The following HLCS variants were observed in gnomAD, a reference collection of about 807,000 sequenced individuals.
The protein encoded by HLCS is holocarboxylase synthetase.
In HLCS, 53 loss-of-function variants were observed where a neutral mutation model predicts 75.0. That is an observed-to-expected ratio of 0.71 (90% CI 0.57 to 0.89). HLCS has a LOEUF of 0.89. Ranked by LOEUF, HLCS falls within the 40% of genes least tolerant of loss-of-function variation. HLCS has a pLI of 0.00. For missense variants in HLCS, 966 were observed against 1,074.0 expected (o/e 0.90, Z 1.41); for synonymous variants, 431 against 428.6 (o/e 1.01, Z -0.07).
rs2063203820 is a variant in HLCS at position 36,856,650 on chromosome 21, C to T, written c.1892+40210G>A. Among the ~76,000 whole-genome samples, 7 of 151,918 alleles carry T rather than the reference C, an allele frequency of 4.6e-5. No individual in the cohort carries two copies. In the South Asian group the frequency reaches 1.5e-3, roughly 32 times the overall value. ...AAGTATATCATCAGGTAAGGTAACA[C>T]AGTCCCCCCAGCAACAAAAAGAAAA... On this transcript the variant is annotated intron_variant, in intron 6 of 10. Coordinates refer to ENST00000674895, the MANE Select transcript of HLCS (RefSeq NM_001352514.2).
chr21:36,768,300 CTAA>C (rs1469451716), intron 6 of HLCS, among the ~76,000 whole-genome samples: 3 of 152,176 alleles, frequency 2.0e-5, no homozygotes, highest in Non-Finnish European at 4.4e-5. Flanking sequence ...CATAAAGTTT[CTAA>C]TAATAAGTCT....
chr21:36,875,137 T>TCAGCATAGACAGCTGGG lies in HLCS; in HGVS notation c.1892+21706_1892+21722dup, dbSNP rs536277461. Among the ~76,000 whole-genome samples, 913 of 152,110 alleles carry TCAGCATAGACAGCTGGG rather than the reference T, an allele frequency of 6.0e-3. 6 individuals are homozygous for TCAGCATAGACAGCTGGG. The highest frequency in any genetic ancestry group is 8.8e-3 in the Admixed American group (135 of 15,308). On this transcript the variant is annotated intron_variant, in intron 6 of 10. Transcript: ENST00000674895. ...CTTTGTACAGGCCTGTGGGTGCCCC[T>TCAGCATAGACAGCTGGG]CAGCATAGACAGCTGGGCACCACGG...
At chr21:36,931,674 A>G (rs1569208915) in intron 4 of HLCS, among the ~76,000 whole-genome samples, 1 of 151,954 alleles carries the variant, frequency 6.6e-6, no homozygotes, top group Non-Finnish European at 1.5e-5. Context: ...CCTTGAACCC[A>G]GGAGGTTGAG....
rs200886053 is a variant in HLCS at position 36,936,544 on chromosome 21, C to T, written c.1342G>A (p.Gly448Ser). 890 of 1,614,154 alleles carry T rather than the reference C, an allele frequency of 5.5e-4. 2 individuals carry two copies. Among genetic ancestry groups the T allele is most frequent in the Non-Finnish European group, 4.9e-4 (578 of 1,180,014 alleles). The change falls in exon 4 of 11, where the codon GGC (glycine) becomes AGC (serine). Residue 448 changes from glycine (G) to serine (S), a missense_variant. Physicochemically the swap from Gly to Ser is moderately conservative, Grantham distance 56. Transcript: ENST00000674895. ...TTCTCCAGGTGGCCCTGGAGCCTGC[C>T]GGGGCTGAGCCGGACGGGGCCTTCC... ...YQEGPVRLSP[G>S]RLQGHLENED...
chr21:36,783,849 CCA>C (rs146189484), intron 6 of HLCS, among the ~76,000 whole-genome samples: 1 of 151,624 alleles, frequency 6.6e-6, no homozygotes, highest in Non-Finnish European at 1.5e-5. Context: ...ATGCACAAAT[CCA>C]CACACACACA....
At chr21:36,757,760 A>G (rs2850105) in intron 9 of HLCS, among the ~76,000 whole-genome samples, 84,586 of 152,118 alleles carry the variant, frequency 0.56, 23,664 homozygotes, top group East Asian at 0.69. Context: ...CTGGAAAAAA[A>G]ACAAGTAACT....
At chr21:36,899,655 A>G (rs550770464) in intron 5 of HLCS, among the ~76,000 whole-genome samples, 13 of 152,314 alleles carry the variant, frequency 8.5e-5, no homozygotes, top group Non-Finnish European at 4.4e-5. Flanking sequence ...AATTGACCAT[A>G]CACTGGCAAC....
chr21:36,778,287 T>C (rs909010600), intron 6 of HLCS, among the ~76,000 whole-genome samples: 8 of 149,732 alleles, frequency 5.3e-5, no homozygotes, highest in African/African-American at 2.0e-4. Flanking sequence ...CAATTATTAT[T>C]ATTATTTTTT....
chr21:36,845,227 C>T (rs190404860), intron 6 of HLCS, among the ~76,000 whole-genome samples: 3 of 152,286 alleles, frequency 2.0e-5, no homozygotes, highest in Admixed American at 2.0e-4. Flanking sequence ...CTCCCATGCT[C>T]ACAGCCGGCC....
rs576222019 is a variant in HLCS, at chr21:36,942,545, G to T, written c.331-3551C>A. Among the ~76,000 whole-genome samples the T allele has an allele frequency of 3.2e-4, 48 of 152,056 alleles. 2 individuals carry two copies. Among genetic ancestry groups the T allele is most frequent in the Admixed American group, 1.3e-4 (2 of 15,274 alleles). On this transcript the variant is annotated intron_variant, in intron 2 of 10. Coordinates refer to ENST00000674895, the MANE Select transcript of HLCS (RefSeq NM_001352514.2). ...ACAAAATTCAGAGAAGGAAAACACA[G>T]GCATAAATTGTCATGACTTTTGATC...
At chr21:36,949,480 C>T (rs1199841145) in intron 2 of HLCS, among the ~76,000 whole-genome samples, 4 of 152,326 alleles carry the variant, frequency 2.6e-5, no homozygotes, top group Middle Eastern at 3.4e-3. Context: ...GTTCCAAAAG[C>T]CCAGATGGAG....
chr21:36,987,515 A>G (rs1370325151), intron 1 of HLCS, among the ~76,000 whole-genome samples: 2 of 152,172 alleles, frequency 1.3e-5, no homozygotes, highest in Non-Finnish European at 2.9e-5. Flanking sequence ...CAGGAGGCTG[A>G]GGCAGAAGAA....
rs533492712 is a variant in HLCS, at chr21:36,778,200, C to A, written c.1893-10915G>T. Among the ~76,000 whole-genome samples the A allele has an allele frequency of 1.9e-3, 285 of 152,106 alleles. 2 individuals are homozygous for A. Among genetic ancestry groups the A allele is most frequent in the Non-Finnish European group, 2.1e-3 (144 of 67,994 alleles). ...TAGCCAGGATGGTCTTGATCTCCTG[C>A]CCTTGTGATCCGCCCACCTCTGCCT... On this transcript the variant is annotated intron_variant, in intron 6 of 10. Coordinates refer to ENST00000674895, the MANE Select transcript of HLCS (RefSeq NM_001352514.2).
chr21:36,857,277 T>C (rs571007289), intron 6 of HLCS, among the ~76,000 whole-genome samples: 2 of 152,174 alleles, frequency 1.3e-5, no homozygotes, highest in Admixed American at 6.5e-5. Flanking sequence ...AAGGAGAACA[T>C]GAACAAACCC....
intron 6 of HLCS, among the ~76,000 whole-genome samples, chr21:36,787,202 C>T (rs2060714047): frequency 6.6e-6 from 1 of 152,238 alleles, no homozygotes; most frequent in Non-Finnish European, 1.5e-5. Flanking sequence ...AGCACTGCCA[C>T]GTCCACTCTG....
chr21:36,772,869 T>C (rs915261809), intron 6 of HLCS, among the ~76,000 whole-genome samples: 1 of 150,866 alleles, frequency 6.6e-6, no homozygotes, highest in African/African-American at 2.4e-5. Context: ...TAGTCCCAGC[T>C]ACTCGAGAGG....
intron 6 of HLCS, among the ~76,000 whole-genome samples, chr21:36,786,239 C>T (rs2060682890): frequency 6.6e-6 from 1 of 151,866 alleles, no homozygotes; most frequent in Non-Finnish European, 1.5e-5. Flanking sequence ...TGACATCTTA[C>T]AATCAATCTT....
Position 36,892,880 on chromosome 21 carries a change from A to T in HLCS, c.1892+3980T>A, listed in dbSNP as rs117454720. ...ATTGCTGAAGAAATGATACACACAG[A>T]CGAAGAGAGAAATAAGCATTGAGAG... On this transcript the variant is annotated intron_variant, in intron 6 of 10. Transcript: ENST00000674895. 1.8e-4 allele frequency among the ~76,000 whole-genome samples: 27 copies of T among 152,320 alleles called. No homozygotes were observed. In the East Asian group the frequency reaches 5.0e-3, roughly 28 times the overall value.
intron 1 of HLCS, among the ~76,000 whole-genome samples, chr21:36,962,937 C>T (rs1047084757): frequency 9.9e-5 from 15 of 152,086 alleles, no homozygotes; most frequent in Non-Finnish European, 4.4e-5. Flanking sequence ...TTTTTCTTTA[C>T]ACCTTCCTTA....
Sources: gnomAD v4.1 joint callset for allele counts (sites outside exome capture counted in the v4.1 genomes callset) on GRCh38, gnomAD v4.1.1 for gene constraint, MANE v1.5 for transcripts, NCBI Gene and HGNC (gene_info 2026-07-23, HGNC 2026-07-21) for gene names.